The following HIRA variants were observed in gnomAD, a reference collection of about 807,000 sequenced individuals.
HIRA encodes protein HIRA.
In HIRA, 13 loss-of-function variants were observed where a neutral mutation model predicts 126.6. The ratio of observed to expected loss-of-function variants is 0.10; its 90% CI spans 0.07 to 0.16. The LOEUF is 0.16. Among genes scored for constraint, HIRA ranks in the 10% least tolerant of loss-of-function variants. The pLI, the probability that HIRA is intolerant of heterozygous loss-of-function variation, is 1.00. For synonymous variants in HIRA, 511 were observed against 520.0 expected (o/e 0.98, Z 0.24); for missense variants, 834 against 1,314.4 (o/e 0.63, Z 5.65).
chr22:19,333,291 T>G (rs1283819682), intron 24 of HIRA, among the ~76,000 whole-genome samples: 2 of 151,864 alleles, frequency 1.3e-5, no homozygotes, highest in East Asian at 3.9e-4. Flanking sequence ...GAAATAATAT[T>G]AGAAATAAAA....
chr22:19,357,345 T>G lies in HIRA; in HGVS notation c.2235-294A>C, dbSNP rs570153410. 1.6e-3 allele frequency among the ~76,000 whole-genome samples: 237 copies of G among 152,312 alleles called. 1 individual carries two copies. The highest frequency in any genetic ancestry group is 5.6e-3 in the African/African-American group (234 of 41,578). On this transcript the variant is annotated intron_variant, in intron 18 of 24. Transcript: ENST00000263208. Reference sequence around the variant, plus strand: ...GGGGGCTTTGGAGAGCCAATGCCTCTGATGATCACCCAGGAAACATGCCTT... The same window carrying G: ...GGGGGCTTTGGAGAGCCAATGCCTCGGATGATCACCCAGGAAACATGCCTT...
chr22:19,383,821 C>T (rs2089099065), intron 12 of HIRA, 116 bp from the exon 13 acceptor site: 4 of 734,880 alleles, frequency 5.4e-6, no homozygotes, highest in East Asian at 2.7e-5. Flanking sequence ...TAAGATCCAC[C>T]CTCTTAGCAA....
At chr22:19,395,339 C>T (rs2089214166) in intron 7 of HIRA, among the ~76,000 whole-genome samples, 1 of 152,140 alleles carries the variant, frequency 6.6e-6, no homozygotes, top group Non-Finnish European at 1.5e-5. Flanking sequence ...GACAGAACCA[C>T]CCCCTACCTG....
At chr22:19,387,616 T>C (rs1028249747) in intron 11 of HIRA, 95 bp downstream of exon 11, 2 of 777,850 alleles carry the variant, frequency 2.6e-6, no homozygotes, top group African/African-American at 1.7e-5. Flanking sequence ...CTTGTCTGTG[T>C]ATCTCACAAG....
rs773794107 is a variant in HIRA at position 19,359,503 on chromosome 22, C to T, written c.2086-19G>A. The T allele has an allele frequency of 9.5e-6, 15 of 1,582,938 alleles. No homozygotes were observed. The highest frequency in any genetic ancestry group is 1.7e-4 in the Middle Eastern group (1 of 6,008). ...AGCTGACCTGGATGAAGTAAACACA[C>T]GGGTCTGCTCAGACAAGGGCCGCAG... On this transcript the variant is annotated intron_variant, in intron 17 of 24. Coordinates refer to ENST00000263208, the MANE Select transcript of HIRA (RefSeq NM_003325.4).
rs550066983 is a variant in HIRA at position 19,356,913 on chromosome 22, G to A, written c.2373C>T (p.Thr791=). The A allele has an allele frequency of 2.0e-4, 317 of 1,613,846 alleles. 2 individuals are homozygous for A. Among genetic ancestry groups the A allele is most frequent in the South Asian group, 2.0e-3 (178 of 91,086 alleles). The change falls in exon 19 of 25, where the codon ACC becomes ACT. Residue 791 remains threonine, a synonymous_variant. Transcript: ENST00000263208. ...HCTGSYVMAL[T]AAATLSVWDV... is the part of the protein sequence containing the mutation. ...ACCAGACAGAGAGTGTGGCTGCAGCGGTGAGCGCCATGACGTAGGAGCCTG... is the reference window on the plus strand; with the variant it reads ...ACCAGACAGAGAGTGTGGCTGCAGCAGTGAGCGCCATGACGTAGGAGCCTG...
intron 15 of HIRA, among the ~76,000 whole-genome samples, chr22:19,363,238 A>G (rs539968759): frequency 6.6e-6 from 1 of 151,680 alleles, no homozygotes; most frequent in African/African-American, 2.4e-5. Context: ...GTCTCAAAAA[A>G]AAAAACAAAA....
intron 1 of HIRA, among the ~76,000 whole-genome samples, chr22:19,428,439 C>A (rs1044976187): frequency 1.3e-5 from 2 of 152,130 alleles, no homozygotes; most frequent in Non-Finnish European, 2.9e-5. Flanking sequence ...AATTTTATGG[C>A]CCAAAATGTC....
chr22:19,419,583 G>T (rs1351693903), intron 1 of HIRA, among the ~76,000 whole-genome samples: 2 of 152,076 alleles, frequency 1.3e-5, no homozygotes, highest in African/African-American at 2.4e-5. Flanking sequence ...TTCCTTTATT[G>T]TATGTCTGTC....
In HIRA at chr22:19,396,898, T is replaced by C; in HGVS notation, c.543A>G (p.Thr181=). 2 of 1,614,212 alleles carry C rather than the reference T, an allele frequency of 1.2e-6. No individual in the cohort carries two copies. Among genetic ancestry groups the C allele is most frequent in the Non-Finnish European group, 1.7e-6 (2 of 1,180,020 alleles). The change falls in exon 7 of 25, where the codon ACA becomes ACG. Residue 181 remains threonine, a synonymous_variant. Coordinates refer to ENST00000263208, the MANE Select transcript of HIRA (RefSeq NM_003325.4). ...RGHSGLVKGL[T]WDPVGKYIAS... is the part of the protein sequence containing the mutation. ...CTATGTATTTACCAACAGGGTCCCA[T>C]GTCAACCCTTTGACCAAGCCAGAAT...
intron 5 of HIRA, chr22:19,405,565 G>A (rs1302188979): frequency 1.1e-6 from 1 of 924,790 alleles, no homozygotes; most frequent in African/African-American, 1.8e-5. Flanking sequence ...ACCCCATGAG[G>A]GCAAGAGTGG....
intron 23 of HIRA, among the ~76,000 whole-genome samples, chr22:19,352,134 C>T (rs1230167793): frequency 6.6e-6 from 1 of 151,780 alleles, no homozygotes; most frequent in African/African-American, 2.4e-5. Flanking sequence ...CCTTTTACAG[C>T]CAAGGAAACA....
intron 12 of HIRA, among the ~76,000 whole-genome samples, chr22:19,384,322 CA>C (rs71317140): frequency 0.021 from 1,382 of 66,776 alleles, 10 homozygotes; most frequent in African/African-American, 0.073. Flanking sequence ...GACTCCATCT[CA>C]AAAAAAAAAA....
At position 19,361,731 on chromosome 22, in the gene HIRA, A is replaced by G; in HGVS notation, c.1976T>C (p.Val659Ala). ...DSRLMPVSLS[V>A]QSPAALTAEK... Reference sequence around the variant, plus strand: ...GGATGGGCCCACTGGCCTCACCTGGACAGACAGAGACACAGGCATGAGACG... The same window carrying G: ...GGATGGGCCCACTGGCCTCACCTGGGCAGACAGAGACACAGGCATGAGACG... Residue 659 changes from valine (V) to alanine (A), a missense_variant, in exon 16 of 25, where the codon GTC (valine) becomes GCC (alanine). By Grantham distance (64) the Val-to-Ala change is moderately conservative. Coordinates refer to ENST00000263208, the MANE Select transcript of HIRA (RefSeq NM_003325.4). 1 of 1,612,406 alleles carries G rather than the reference A, an allele frequency of 6.2e-7. No individual in the cohort carries two copies. The highest frequency in any genetic ancestry group is 2.2e-5 in the East Asian group (1 of 44,880).
chr22:19,431,346 G>A (rs912316411), intron 1 of HIRA, 94 bp downstream of exon 1: 32 of 1,403,852 alleles, frequency 2.3e-5, no homozygotes, highest in Non-Finnish European at 2.8e-5. Context: ...GGGCGTCAGG[G>A]GCGAGACAGG....
At chr22:19,429,133 CTTTTTTTTTTTTTT>C (rs57853722) in intron 1 of HIRA, among the ~76,000 whole-genome samples, 1 of 77,244 alleles carries the variant, frequency 1.3e-5, no homozygotes, top group African/African-American at 5.4e-5. Context: ...GTTGCCATAT[CTTTTTTTTTTTTTT>C]TTTTTTTTTT....
At chr22:19,419,854 T>C (rs562433402) in intron 1 of HIRA, among the ~76,000 whole-genome samples, 2 of 152,350 alleles carry the variant, frequency 1.3e-5, no homozygotes, top group Non-Finnish European at 1.5e-5. Flanking sequence ...GCCAACTGCC[T>C]GCAGGTGGGA....
intron 5 of HIRA, among the ~76,000 whole-genome samples, chr22:19,400,661 A>G (rs1325440820): frequency 1.3e-5 from 2 of 152,064 alleles, no homozygotes; most frequent in Admixed American, 6.6e-5. Context: ...TGGTGCATCT[A>G]CACACACAGG....
intron 17 of HIRA, among the ~76,000 whole-genome samples, 188 bp downstream of exon 17, chr22:19,361,049 G>A (rs1204827266): frequency 2.0e-5 from 3 of 152,266 alleles, no homozygotes; most frequent in Non-Finnish European, 2.9e-5. Flanking sequence ...GGGTGAGTGA[G>A]AGTGGAGGCT....
Sources: allele counts gnomAD v4.1 joint callset (sites outside exome capture counted in the v4.1 genomes callset), GRCh38; gene constraint gnomAD v4.1.1; transcripts MANE v1.5; gene names NCBI Gene and HGNC (gene_info 2026-07-23, HGNC 2026-07-21).